Variants in SEPTIN14 observed in about 807,000 individuals in gnomAD.
SEPTIN14 encodes septin 14, also known as septin-14.
A neutral mutation model predicts 53.6 loss-of-function variants in SEPTIN14; 40 were observed. That is an observed-to-expected ratio of 0.75 (90% CI 0.58 to 0.97). The LOEUF is 0.97. Among genes scored for constraint, SEPTIN14 ranks in the 50% least tolerant of loss-of-function variants. SEPTIN14 has a pLI of 0.00. For missense variants in SEPTIN14, 471 were observed against 508.2 expected, an observed-to-expected ratio of 0.93 and a Z score of 0.70; for synonymous variants, 138 against 166.8, an observed-to-expected ratio of 0.83 and a Z score of 1.33.
chr7:55,822,342 T>C (rs1788910341), intron 6 of SEPTIN14, among the ~76,000 whole-genome samples: 1 of 152,234 alleles, frequency 6.6e-6, no homozygotes, highest in South Asian at 2.1e-4. Context: ...ACTTAACCTA[T>C]GTATTCACCA....
At chr7:55,816,171 A>G (rs528802697) in intron 7 of SEPTIN14, among the ~76,000 whole-genome samples, 3 of 152,294 alleles carry the variant, frequency 2.0e-5, no homozygotes, top group African/African-American at 7.2e-5. Context: ...ATGGGGATAA[A>G]GAGTGGAATG....
At chr7:55,806,874 C>T (rs1788618020) in intron 8 of SEPTIN14, among the ~76,000 whole-genome samples, 1 of 152,122 alleles carries the variant, frequency 6.6e-6, no homozygotes, top group Non-Finnish European at 1.5e-5. Context: ...ATTGAATACA[C>T]ATATTTCAGC....
intron 9 of SEPTIN14, chr7:55,798,989 AG>A (rs1269568541): frequency 6.6e-6 from 1 of 152,488 alleles, no homozygotes; most frequent in Non-Finnish European, 1.5e-5. Context: ...AAAGGAAGAC[AG>A]AAAGAGAGGA....
At chr7:55,822,979 G>C (rs533601807) in intron 6 of SEPTIN14, among the ~76,000 whole-genome samples, 2 of 152,032 alleles carry the variant, frequency 1.3e-5, no homozygotes, top group Admixed American at 1.3e-4. Flanking sequence ...GCAGACCCTC[G>C]GCTGATACAA....
At chr7:55,856,847 C>A (rs1789636836) in intron 2 of SEPTIN14, among the ~76,000 whole-genome samples, 1 of 151,602 alleles carries the variant, frequency 6.6e-6, no homozygotes, top group Non-Finnish European at 1.5e-5. Context: ...CTGAGGCAGG[C>A]AGATCACTTG....
At chr7:55,858,555 A>C (rs1789687956) in intron 2 of SEPTIN14, among the ~76,000 whole-genome samples, 1 of 152,202 alleles carries the variant, frequency 6.6e-6, no homozygotes, top group Admixed American at 6.5e-5. Context: ...CTGTAATCCC[A>C]GCACTTTGGG....
intron 2 of SEPTIN14, 51 bp from the exon 3 acceptor site, chr7:55,846,688 C>G: frequency 6.9e-6 from 7 of 1,011,972 alleles, no homozygotes; most frequent in Non-Finnish European, 8.9e-6. Context: ...AAAATGAAGT[C>G]ATTTGAAAGG....
intron 7 of SEPTIN14, among the ~76,000 whole-genome samples, chr7:55,816,584 G>A (rs1364354601): frequency 6.6e-6 from 1 of 151,290 alleles, no homozygotes; most frequent in Non-Finnish European, 1.5e-5. Context: ...ATCACCTGAG[G>A]TCAGGAGTTT....
chr7:55,840,162 C>A (rs1249712738), intron 5 of SEPTIN14, among the ~76,000 whole-genome samples: 1 of 147,584 alleles, frequency 6.8e-6, no homozygotes, highest in Non-Finnish European at 1.5e-5. Context: ...TACAGTGGGG[C>A]CCAACCTAAA....
intron 6 of SEPTIN14, among the ~76,000 whole-genome samples, chr7:55,824,818 T>A (rs538677403): frequency 2.0e-5 from 3 of 151,832 alleles, no homozygotes; most frequent in South Asian, 4.2e-4. Flanking sequence ...TTTTTTTTTT[T>A]AATTTCCAAA....
At chr7:55,796,163 T>C (rs1024554749) in intron 9 of SEPTIN14, 71 bp from the exon 10 acceptor site, 2 of 1,019,580 alleles carry the variant, frequency 2.0e-6, no homozygotes, top group Admixed American at 4.1e-5. Flanking sequence ...TATGCTTTTT[T>C]CTAAATATCA....
chr7:55,798,259 A>C (rs1415454291), intron 9 of SEPTIN14: 1 of 448,850 alleles, frequency 2.2e-6, no homozygotes, highest in Non-Finnish European at 3.5e-6. Flanking sequence ...GCTGTTGCTC[A>C]TGAGCGTCCA....
At chr7:55,844,928 T>C (rs1313252726) in intron 3 of SEPTIN14, among the ~76,000 whole-genome samples, 3 of 148,894 alleles carry the variant, frequency 2.0e-5, no homozygotes, top group Non-Finnish European at 4.5e-5. Flanking sequence ...TTTTTTTTAC[T>C]TTTATTTTAG....
At chr7:55,862,543 C>T (rs1379764729) in intron 1 of SEPTIN14, 145 bp downstream of exon 1, 1 of 152,904 alleles carries the variant, frequency 6.5e-6, no homozygotes, top group Non-Finnish European at 1.5e-5. Flanking sequence ...ATTTATGAAG[C>T]ATCTATTATA....
At position 55,842,939 on chromosome 7, in the gene SEPTIN14, T is replaced by C. The variant is rs114077055; in HGVS notation, c.558+3A>G. 8.9e-5 allele frequency: 132 copies of C among 1,485,324 alleles called. 1 individual carries two copies. In the African/African-American group the frequency reaches 1.2e-3, roughly 14 times the overall value. 92.0% of individuals were successfully genotyped at this position (1,485,324 alleles called of 1,614,324 possible). Reference sequence around the variant, plus strand: ...AAAAAGATGGTAGATTTACCAAACATACCTTACTGTCAAGGTTCTTCATTG... The same window carrying C: ...AAAAAGATGGTAGATTTACCAAACACACCTTACTGTCAAGGTTCTTCATTG... On this transcript the variant is annotated splice_donor_region_variant and intron_variant, in intron 5 of 9. Coordinates refer to ENST00000388975, the MANE Select transcript of SEPTIN14 (RefSeq NM_207366.3).
chr7:55,799,791 AG>A, intron 9 of SEPTIN14, among the ~76,000 whole-genome samples: 1 of 152,318 alleles, frequency 6.6e-6, no homozygotes, highest in South Asian at 2.1e-4. Flanking sequence ...TGAGAACAGT[AG>A]GGGACTACTG....
At chr7:55,796,987 G>T (rs1788442632) in intron 9 of SEPTIN14, among the ~76,000 whole-genome samples, 1 of 152,100 alleles carries the variant, frequency 6.6e-6, no homozygotes, top group Non-Finnish European at 1.5e-5. Flanking sequence ...GCTGGGTGTG[G>T]TGGTACATGC....
intron 2 of SEPTIN14, among the ~76,000 whole-genome samples, chr7:55,848,900 C>G (rs1227937431): frequency 6.6e-6 from 1 of 152,020 alleles, no homozygotes; most frequent in East Asian, 1.9e-4. Context: ...AGCCACCGCG[C>G]CTGGCCTACT....
intron 9 of SEPTIN14, chr7:55,798,727 G>T: frequency 4.2e-6 from 1 of 239,416 alleles, no homozygotes; most frequent in South Asian, 4.7e-5. Context: ...TCCTGGGCGA[G>T]TGGTGGTACA....
Sources: gnomAD v4.1 joint callset for allele counts (sites outside exome capture counted in the v4.1 genomes callset) on GRCh38, gnomAD v4.1.1 for gene constraint, MANE v1.5 for transcripts, NCBI Gene and HGNC (gene_info 2026-07-23, HGNC 2026-07-21) for gene names.